Variants in GAPVD1 observed in about 807,000 individuals in gnomAD.
GAPVD1 encodes GTPase-activating protein and VPS9 domain-containing protein 1.
In GAPVD1, 35 loss-of-function variants were observed where a neutral mutation model predicts 155.5. The observed-to-expected ratio is 0.23, with a 90% CI of 0.17 to 0.30. The LOEUF (loss-of-function observed/expected upper bound fraction) is 0.30, where lower values mean the gene tolerates loss of function less well. Among genes scored for constraint, GAPVD1 ranks in the 10% least tolerant of loss-of-function variants. GAPVD1 has a pLI of 1.00. For synonymous variants in GAPVD1, 636 were observed against 619.7 expected, an observed-to-expected ratio of 1.03 and a Z score of -0.39; for missense variants, 1,429 against 1,775.7, an observed-to-expected ratio of 0.80 and a Z score of 3.51.
intron 19 of GAPVD1, among the ~76,000 whole-genome samples, chr9:125,344,676 C>A (rs2132194732): frequency 6.6e-6 from 1 of 152,158 alleles, no homozygotes; most frequent in South Asian, 2.1e-4. Context: ...TGAGGTGGAG[C>A]ATGCCTATTA....
At chr9:125,292,315 A>T (rs1838737101) in intron 2 of GAPVD1, among the ~76,000 whole-genome samples, 1 of 152,126 alleles carries the variant, frequency 6.6e-6, no homozygotes, top group Admixed American at 6.6e-5. Flanking sequence ...AGGATAAAGG[A>T]TGACCTGGAA....
In GAPVD1 at chr9:125,313,055, G is replaced by A. The variant is rs148870268; in HGVS notation, c.1602+443G>A. On this transcript the variant is annotated intron_variant, in intron 9 of 27. Coordinates refer to ENST00000297933, the MANE Select transcript of GAPVD1 (RefSeq NM_001282680.3). ...GGCTGGTCTCAAACTCCCCAACTGA[G>A]GTGATCCGCCTGCCTTTGCCTCCCA... Among the ~76,000 whole-genome samples the A allele has an allele frequency of 2.1e-3, 318 of 152,242 alleles. 2 individuals are homozygous for A. Among genetic ancestry groups the A allele is most frequent in the African/African-American group, 7.4e-3 (308 of 41,538 alleles).
At chr9:125,323,498 G>A (rs1474177372) in intron 10 of GAPVD1, among the ~76,000 whole-genome samples, 3 of 152,020 alleles carry the variant, frequency 2.0e-5, no homozygotes, top group Non-Finnish European at 2.9e-5. Flanking sequence ...GTAGAGGCTG[G>A]GTTTCACCAT....
intron 25 of GAPVD1, 38 bp downstream of exon 25, chr9:125,355,895 A>G (rs1460243487): frequency 8.0e-6 from 9 of 1,118,630 alleles, no homozygotes; most frequent in Non-Finnish European, 2.7e-6. Context: ...GTGGAACTAC[A>G]TAGGGATCTA....
At chr9:125,320,451 C>T (rs1235396833) in intron 9 of GAPVD1, among the ~76,000 whole-genome samples, 1 of 151,912 alleles carries the variant, frequency 6.6e-6, no homozygotes, top group Non-Finnish European at 1.5e-5. Context: ...ACTTTTGTGG[C>T]CCTGTATGTA....
chr9:125,273,763 C>A (rs1254390411), intron 2 of GAPVD1, among the ~76,000 whole-genome samples: 1 of 151,944 alleles, frequency 6.6e-6, no homozygotes, highest in African/African-American at 2.4e-5. Flanking sequence ...CAGCATCTGG[C>A]ATTCCATGTT....
rs772955414 is a variant in GAPVD1 at position 125,326,498 on chromosome 9, A to G, written c.1941A>G (p.Ile647Met). 1 of 1,608,828 alleles carries G rather than the reference A, an allele frequency of 6.2e-7. No individual in the cohort carries two copies. The highest frequency in any genetic ancestry group is 8.5e-7 in the Non-Finnish European group (1 of 1,175,104). Reference sequence around the variant, plus strand: ...TGGGATTAACAGATGATAGGGACATATCAGAAACAGTGAGTGAGACCTGGA... The same window carrying G: ...TGGGATTAACAGATGATAGGGACATGTCAGAAACAGTGAGTGAGACCTGGA... ...DMMGLTDDRD[I>M]SETVSETWST... Residue 647 changes from isoleucine (I) to methionine (M), a missense_variant, in exon 12 of 28, where the codon ATA becomes ATG. By Grantham distance (10) the Ile-to-Met change is conservative. Coordinates refer to ENST00000297933, the MANE Select transcript of GAPVD1 (RefSeq NM_001282680.3).
chr9:125,354,611 C>T (rs1435554148), intron 23 of GAPVD1, 43 bp from the exon 24 acceptor site: 16 of 1,262,526 alleles, frequency 1.3e-5, no homozygotes, highest in African/African-American at 3.0e-5. Context: ...AGAGAGTATG[C>T]ACTGAATATA....
At chr9:125,276,960 C>G (rs748058518) in intron 2 of GAPVD1, among the ~76,000 whole-genome samples, 2 of 151,890 alleles carry the variant, frequency 1.3e-5, no homozygotes, top group Non-Finnish European at 2.9e-5. Context: ...TATGGAGTCT[C>G]CCTATGTTGT....
At chr9:125,276,934 AT>A (rs1283249638) in intron 2 of GAPVD1, among the ~76,000 whole-genome samples, 59 of 150,644 alleles carry the variant, frequency 3.9e-4, no homozygotes, top group Admixed American at 3.0e-3. Flanking sequence ...AATTTTCTAA[AT>A]TTTTTTTTCG....
chr9:125,343,920 G>T (rs1456333285), intron 19 of GAPVD1, among the ~76,000 whole-genome samples: 1 of 152,134 alleles, frequency 6.6e-6, no homozygotes, highest in Non-Finnish European at 1.5e-5. Flanking sequence ...TTCTGAAGAA[G>T]TTATAAATTA....
At chr9:125,331,889 A>G in intron 13 of GAPVD1, 37 bp from the exon 14 acceptor site, 1 of 1,607,256 alleles carries the variant, frequency 6.2e-7, no homozygotes, top group Non-Finnish European at 8.5e-7. Flanking sequence ...GTGCTAAGAG[A>G]ATCACAAATG....
chr9:125,309,631 G>C (rs1286822826), intron 8 of GAPVD1, among the ~76,000 whole-genome samples: 1 of 152,116 alleles, frequency 6.6e-6, no homozygotes, highest in African/African-American at 2.4e-5. Context: ...CACCGTGCCC[G>C]GGCACTTAAT....
rs767559443 is a variant in GAPVD1, at chr9:125,346,810, C to G, written c.3047-9C>G. 6.2e-7 allele frequency: 1 copy of G among 1,612,248 alleles called. No homozygotes were observed. Among genetic ancestry groups the G allele is most frequent in the Admixed American group, 1.7e-5 (1 of 60,024 alleles). ...GGGGCTAATTCTCTCACTCTCCTTT[C>G]CCTTGCAGATGATCCCAGCCCTAGA... On this transcript the variant is annotated splice_polypyrimidine_tract_variant and intron_variant, in intron 19 of 27. Transcript: ENST00000297933.
At chr9:125,291,757 G>A (rs1236889859) in intron 2 of GAPVD1, among the ~76,000 whole-genome samples, 3 of 152,088 alleles carry the variant, frequency 2.0e-5, no homozygotes, top group East Asian at 3.9e-4. Flanking sequence ...TACCTAAGAG[G>A]TCTATAGAGG....
Position 125,354,705 on chromosome 9 carries a change from G to C in GAPVD1, c.3621G>C (p.Gln1207His), listed in dbSNP as rs376081262. Residue 1207 changes from glutamine to histidine, a missense_variant, in exon 24 of 28, where the codon CAG (glutamine) becomes CAC (histidine). Physicochemically the swap from Gln to His is conservative, Grantham distance 24. Around this residue, in one of 4 missense-constraint regions of GAPVD1, gnomAD observed 699 missense variants for 826.0 expected, o/e 0.85. Transcript: ENST00000297933. ...AYLTRCRQGLQTTQAHLERLL... is the reference protein window; with the variant it reads ...AYLTRCRQGLHTTQAHLERLL... Reference sequence around the variant, plus strand: ...TCACTCGTTGTCGACAAGGACTACAGACCACACAGGCTCACCTGGAAAGGC... The same window carrying C: ...TCACTCGTTGTCGACAAGGACTACACACCACACAGGCTCACCTGGAAAGGC... 2.5e-6 allele frequency: 4 copies of C among 1,613,670 alleles called. No homozygotes were observed. The South Asian group carries it at 3.3e-5, about 13-fold the overall frequency.
At chr9:125,358,241 G>T (rs139036311) in intron 25 of GAPVD1, among the ~76,000 whole-genome samples, 2 of 152,184 alleles carry the variant, frequency 1.3e-5, no homozygotes, top group African/African-American at 4.8e-5. Flanking sequence ...GAGTAGCTGG[G>T]ATTACAGGCA....
intron 1 of GAPVD1, among the ~76,000 whole-genome samples, chr9:125,267,129 AGGGT>A (rs1320525828): frequency 6.6e-6 from 1 of 152,210 alleles, no homozygotes; most frequent in African/African-American, 2.4e-5. Context: ...AGCCTACAGA[AGGGT>A]TGTTCAGTAA....
chr9:125,350,402 A>G lies in GAPVD1; in HGVS notation c.3407A>G (p.Glu1136Gly). ...RNGLPDHTDPEDNEIVCFLKV... is the reference protein window; with the variant it reads ...RNGLPDHTDPGDNEIVCFLKV... ...GGTTTACCAGACCACACAGACCCAG[A>G]AGGTAAATTGCTGCAGGATCGTTTA... The change falls in exon 22 of 28, where the codon GAA (glutamate) becomes GGA (glycine). Residue 1136 changes from glutamate (E) to glycine (G), a missense_variant and splice_region_variant. Glu to Gly is a moderately conservative substitution (Grantham distance 98). Transcript: ENST00000297933. 2 of 1,582,822 alleles carry G rather than the reference A, an allele frequency of 1.3e-6. No homozygotes were observed. Among genetic ancestry groups the G allele is most frequent in the Non-Finnish European group, 1.7e-6 (2 of 1,151,730 alleles).
Sources: allele counts gnomAD v4.1 joint callset (sites outside exome capture counted in the v4.1 genomes callset), GRCh38; gene constraint gnomAD v4.1.1; regional missense constraint gnomAD v4.1.1; transcripts MANE v1.5; gene names NCBI Gene and HGNC (gene_info 2026-07-23, HGNC 2026-07-21).